The following TMEM131 variants were observed in gnomAD, a reference collection of about 807,000 sequenced individuals.
The protein encoded by TMEM131 is transmembrane protein 131, also known as 2610524E03Rik.
Under a neutral mutation model 211.6 loss-of-function variants are expected in TMEM131, and 66 were observed. The observed-to-expected ratio is 0.31, with a 90% CI of 0.26 to 0.38. The LOEUF is 0.38. Ranked by LOEUF, TMEM131 falls within the 10% of genes least tolerant of loss-of-function variation. The pLI is 1.00. For synonymous variants in TMEM131, 844 were observed against 841.3 expected (o/e 1.00, Z -0.06); for missense variants, 2,036 against 2,299.3 (o/e 0.89, Z 2.34).
chr2:97,780,047 AAAC>A (rs1308098278), intron 31 of TMEM131, among the ~76,000 whole-genome samples: 1 of 151,670 alleles, frequency 6.6e-6, no homozygotes, highest in Non-Finnish European at 1.5e-5. Context: ...AACAAACAAA[AAAC>A]AAACAAACAA....
At chr2:97,849,057 CA>C (rs1238363999) in intron 5 of TMEM131, among the ~76,000 whole-genome samples, 2 of 152,070 alleles carry the variant, frequency 1.3e-5, no homozygotes, top group Non-Finnish European at 2.9e-5. Context: ...AAAAGATGCT[CA>C]AAATCAATTT....
chr2:97,760,513 A>AAAATG (rs1479779362), intron 38 of TMEM131, 80 bp downstream of exon 38: 6 of 1,268,444 alleles, frequency 4.7e-6, no homozygotes, highest in Non-Finnish European at 6.5e-6. Context: ...ATGCCCTGAA[A>AAAATG]CCCATTTATG....
intron 7 of TMEM131, among the ~76,000 whole-genome samples, chr2:97,840,701 A>C (rs1013966485): frequency 6.6e-6 from 1 of 150,972 alleles, no homozygotes; most frequent in African/African-American, 2.4e-5. Flanking sequence ...AAAGGACGTA[A>C]ACAACAGAAG....
intron 4 of TMEM131, among the ~76,000 whole-genome samples, chr2:97,871,772 C>T (rs1674497800): frequency 6.6e-6 from 1 of 152,220 alleles, no homozygotes; most frequent in Admixed American, 6.5e-5. Flanking sequence ...AGTAATAACT[C>T]TATCTCCTGT....
intron 7 of TMEM131, among the ~76,000 whole-genome samples, chr2:97,838,426 C>CTTTTTTTTTTTTT (rs753635047): frequency 7.9e-5 from 7 of 89,092 alleles, no homozygotes; most frequent in East Asian, 5.0e-4. Flanking sequence ...TAAGCTTAAA[C>CTTTTTTTTTTTTT]TTTTTTTTTT....
intron 3 of TMEM131, among the ~76,000 whole-genome samples, chr2:97,905,895 A>G (rs570484469): frequency 6.6e-6 from 1 of 152,302 alleles, no homozygotes; most frequent in Non-Finnish European, 1.5e-5. Flanking sequence ...ATCTGCCAAT[A>G]TCCTCTGGCC....
At chr2:97,980,168 T>C (rs1186718054) in intron 1 of TMEM131, among the ~76,000 whole-genome samples, 2 of 152,168 alleles carry the variant, frequency 1.3e-5, no homozygotes, top group Non-Finnish European at 2.9e-5. Context: ...AGATCACTGA[T>C]TGCAGATTAC....
At chr2:97,949,817 C>CAAAAAA (rs386390704) in intron 1 of TMEM131, among the ~76,000 whole-genome samples, 8 of 66,962 alleles carry the variant, frequency 1.2e-4, no homozygotes, top group African/African-American at 1.7e-4. Context: ...GAGACTGTCT[C>CAAAAAA]AAAAAAAAAA....
chr2:97,937,058 A>G (rs1387276175), intron 1 of TMEM131, among the ~76,000 whole-genome samples: 1 of 152,164 alleles, frequency 6.6e-6, no homozygotes, highest in Non-Finnish European at 1.5e-5. Context: ...TATGGCTCAT[A>G]CATAGGAAAA....
intron 30 of TMEM131, 151 bp downstream of exon 30, chr2:97,793,244 C>T: frequency 1.3e-6 from 1 of 784,408 alleles, no homozygotes; most frequent in Non-Finnish European, 2.0e-6. Context: ...AGCTCTAAGT[C>T]ACTCAGAGTT....
chr2:97,871,299 T>TG (rs1452438127), intron 4 of TMEM131, among the ~76,000 whole-genome samples: 1 of 152,222 alleles, frequency 6.6e-6, no homozygotes, highest in Admixed American at 6.5e-5. Context: ...AGCTGTCCTT[T>TG]GTCATTTCTG....
intron 4 of TMEM131, among the ~76,000 whole-genome samples, chr2:97,881,423 G>T (rs916299617): frequency 1.3e-5 from 2 of 151,746 alleles, no homozygotes; most frequent in African/African-American, 2.4e-5. Flanking sequence ...GCCCAGGCTG[G>T]TCTCAAACTC....
chr2:97,908,003 T>C (rs1435895407), intron 3 of TMEM131, among the ~76,000 whole-genome samples: 1 of 152,132 alleles, frequency 6.6e-6, no homozygotes, highest in Non-Finnish European at 1.5e-5. Context: ...GACTGTTTTA[T>C]CCAACTCAAA....
Position 97,841,944 on chromosome 2 carries a change from C to T in TMEM131, c.601-7G>A. On this transcript the variant is annotated splice_polypyrimidine_tract_variant and splice_region_variant and intron_variant, in intron 6 of 40. Coordinates refer to ENST00000186436, the MANE Select transcript of TMEM131 (RefSeq NM_015348.2). ...GAACTCCAACACCAAATACCTGTTT[C>T]AGTGGAGGAAAAAAATGCAATTTTA... is the stretch of plus-strand genomic sequence containing the variant. 6.6e-7 allele frequency: 1 copy of T among 1,523,696 alleles called. No homozygotes were observed. 94.4% of individuals were successfully genotyped at this position (1,523,696 alleles called of 1,614,324 possible).
intron 3 of TMEM131, among the ~76,000 whole-genome samples, chr2:97,890,879 G>C (rs1055380035): frequency 6.6e-6 from 1 of 152,164 alleles, no homozygotes; most frequent in Non-Finnish European, 1.5e-5. Context: ...AACTGTTACT[G>C]TGATATTTAC....
At chr2:97,829,893 C>G (rs984099387) in intron 11 of TMEM131, among the ~76,000 whole-genome samples, 1 of 152,014 alleles carries the variant, frequency 6.6e-6, no homozygotes, top group Non-Finnish European at 1.5e-5. Flanking sequence ...CTGTACAACA[C>G]CAAGCCAGAA....
intron 32 of TMEM131, among the ~76,000 whole-genome samples, chr2:97,775,436 A>T (rs1679678507): frequency 1.3e-5 from 2 of 152,218 alleles, no homozygotes; most frequent in Admixed American, 6.5e-5. Flanking sequence ...GCTAGGAGCA[A>T]CATGACAGGA....
chr2:97,927,613 G>A, intron 1 of TMEM131, 126 bp from the exon 2 acceptor site: 3 of 634,226 alleles, frequency 4.7e-6, no homozygotes, highest in East Asian at 3.4e-5. Flanking sequence ...GGTGATGGTT[G>A]AAAAGAAAAA....
intron 4 of TMEM131, among the ~76,000 whole-genome samples, chr2:97,861,714 T>C (rs1031096743): frequency 3.9e-5 from 6 of 151,948 alleles, no homozygotes; most frequent in East Asian, 1.9e-4. Flanking sequence ...AACAGAACAC[T>C]AGGTAGATTT....
Sources: allele counts gnomAD v4.1 joint callset (sites outside exome capture counted in the v4.1 genomes callset), GRCh38; gene constraint gnomAD v4.1.1; transcripts MANE v1.5; gene names NCBI Gene and HGNC (gene_info 2026-07-23, HGNC 2026-07-21).